The following PDE4B variants were observed in gnomAD, a reference collection of about 807,000 sequenced individuals.
The protein encoded by PDE4B is phosphodiesterase 4B.
In PDE4B, 20 loss-of-function variants were observed where a neutral mutation model predicts 82.2. The observed-to-expected ratio is 0.24, with a 90% confidence interval of 0.17 to 0.35. The LOEUF (loss-of-function observed/expected upper bound fraction) is 0.35. Ranked by LOEUF, PDE4B falls within the 10% of genes least tolerant of loss-of-function variation. PDE4B has a pLI of 1.00. For missense variants in PDE4B, 655 were observed against 907.2 expected, an observed-to-expected ratio of 0.72 and a Z score of 3.57; for synonymous variants, 320 against 318.9, an observed-to-expected ratio of 1.00 and a Z score of -0.04.
intron 1 of PDE4B, among the ~76,000 whole-genome samples, chr1:65,841,381 A>AAAGGAAGGAAGG (rs71590332): frequency 0.53 from 80,189 of 150,116 alleles, 21,668 homozygotes; most frequent in Non-Finnish European, 0.56. Context: ...AAAGGAAAGG[A>AAAGGAAGGAAGG]AAGGAAGGAA....
chr1:66,140,492 A>T (rs1488389564), intron 3 of PDE4B, among the ~76,000 whole-genome samples: 1 of 152,250 alleles, frequency 6.6e-6, no homozygotes, highest in African/African-American at 2.4e-5. Context: ...AAACTTGCAG[A>T]ATGTGTTAAA....
At chr1:66,323,764 A>T (rs1452263461) in intron 7 of PDE4B, among the ~76,000 whole-genome samples, 1 of 152,218 alleles carries the variant, frequency 6.6e-6, no homozygotes, top group East Asian at 1.9e-4. Context: ...CTTATGTAAC[A>T]AAGTTTTATA....
chr1:66,272,706 G>T (rs926307604), intron 7 of PDE4B, among the ~76,000 whole-genome samples: 1 of 150,580 alleles, frequency 6.6e-6, no homozygotes, highest in Non-Finnish European at 1.5e-5. Flanking sequence ...GCATTGTGGT[G>T]GTCCTCCAAC....
chr1:65,834,192 C>T (rs1646115197), intron 1 of PDE4B, among the ~76,000 whole-genome samples: 1 of 152,122 alleles, frequency 6.6e-6, no homozygotes, highest in South Asian at 2.1e-4. Flanking sequence ...TTACAGGTGT[C>T]TGCCGTCATG....
At chr1:66,241,564 T>A (rs968474468) in intron 3 of PDE4B, among the ~76,000 whole-genome samples, 1 of 152,172 alleles carries the variant, frequency 6.6e-6, no homozygotes, top group Non-Finnish European at 1.5e-5. Context: ...GGGAGTGCAG[T>A]GGCGCATCTT....
At chr1:66,290,442 C>A (rs1656987402) in intron 7 of PDE4B, among the ~76,000 whole-genome samples, 1 of 152,136 alleles carries the variant, frequency 6.6e-6, no homozygotes, top group Admixed American at 6.6e-5. Flanking sequence ...CTGAGAGAGT[C>A]TCATCTGATG....
intron 7 of PDE4B, among the ~76,000 whole-genome samples, chr1:66,285,038 A>C (rs1034611437): frequency 1.3e-5 from 2 of 152,144 alleles, no homozygotes; most frequent in African/African-American, 4.8e-5. Flanking sequence ...ATCATTTCTG[A>C]GCTTTAGCCT....
chr1:66,028,219 T>A lies in PDE4B; in HGVS notation c.281+109384T>A, dbSNP rs181821023. 2.1e-3 allele frequency among the ~76,000 whole-genome samples: 313 copies of A among 152,300 alleles called. 1 individual carries two copies. The highest frequency in any genetic ancestry group is 3.6e-3 in the Non-Finnish European group (243 of 68,028). On this transcript the variant is annotated intron_variant, in intron 3 of 16. Coordinates refer to ENST00000341517, the MANE Select transcript of PDE4B (RefSeq NM_002600.4). ...ATTCTGTGCATCTCTGGGCTCAACA[T>A]CAAGTGGAAGTTGCCAAAGCTTGGG...
chr1:66,016,475 C>T (rs1046732488), intron 3 of PDE4B, among the ~76,000 whole-genome samples: 1 of 152,148 alleles, frequency 6.6e-6, no homozygotes, highest in African/African-American at 2.4e-5. Context: ...CTTTAACATC[C>T]ACATCATCCT....
At chr1:66,036,994 T>C (rs2503221) in intron 3 of PDE4B, among the ~76,000 whole-genome samples, 112,413 of 151,628 alleles carry the variant, frequency 0.74, 42,230 homozygotes, top group East Asian at 0.96. Flanking sequence ...GTTCGCCGGG[T>C]ATGGTGGCGT....
At chr1:65,908,087 A>G (rs1311851237) in intron 1 of PDE4B, among the ~76,000 whole-genome samples, 1 of 152,176 alleles carries the variant, frequency 6.6e-6, no homozygotes, top group Non-Finnish European at 1.5e-5. Context: ...CCTACTGAAA[A>G]TGAAGAACCA....
intron 1 of PDE4B, among the ~76,000 whole-genome samples, chr1:65,797,470 CT>C (rs1382925316): frequency 6.6e-6 from 1 of 152,172 alleles, no homozygotes. Flanking sequence ...TCCTGGCCTA[CT>C]TTTGTGGGCA....
chr1:66,359,492 C>A (rs1338467255), intron 9 of PDE4B, among the ~76,000 whole-genome samples: 2 of 152,154 alleles, frequency 1.3e-5, no homozygotes, highest in African/African-American at 4.8e-5. Flanking sequence ...TGTTCCAATG[C>A]CTGCATAGGG....
At chr1:66,118,246 A>C (rs1292272586) in intron 3 of PDE4B, among the ~76,000 whole-genome samples, 1 of 152,208 alleles carries the variant, frequency 6.6e-6, no homozygotes, top group Non-Finnish European at 1.5e-5. Flanking sequence ...ATTATAAATC[A>C]TGCTGTTATA....
At chr1:66,155,241 C>A (rs75648533) in intron 3 of PDE4B, among the ~76,000 whole-genome samples, 4,132 of 152,172 alleles carry the variant, frequency 0.027, 198 homozygotes, top group African/African-American at 0.093. Context: ...TGAGCTCTTT[C>A]TTCTGCTCTC....
At chr1:65,977,671 T>C (rs1043035500) in intron 3 of PDE4B, among the ~76,000 whole-genome samples, 1 of 152,244 alleles carries the variant, frequency 6.6e-6, no homozygotes, top group African/African-American at 2.4e-5. Context: ...CTTTCTTCCA[T>C]GAACTGTTGT....
At chr1:66,053,711 T>A (rs1244482204) in intron 3 of PDE4B, among the ~76,000 whole-genome samples, 1 of 151,728 alleles carries the variant, frequency 6.6e-6, no homozygotes, top group East Asian at 1.9e-4. Flanking sequence ...TACAAAAAAT[T>A]GGCCGGGGGT....
chr1:65,838,644 T>C (rs1178871715), intron 1 of PDE4B, among the ~76,000 whole-genome samples: 1 of 149,672 alleles, frequency 6.7e-6, no homozygotes, highest in Non-Finnish European at 1.5e-5. Context: ...TATATACATA[T>C]ACATATATAT....
At chr1:66,335,349 G>T (rs1248767149) in intron 8 of PDE4B, among the ~76,000 whole-genome samples, 3 of 152,210 alleles carry the variant, frequency 2.0e-5, no homozygotes. Flanking sequence ...ATGCTGAGGG[G>T]TATTTGGGAA....
Sources: allele counts gnomAD v4.1 joint callset (sites outside exome capture counted in the v4.1 genomes callset), GRCh38; gene constraint gnomAD v4.1.1; transcripts MANE v1.5; gene names NCBI Gene and HGNC (gene_info 2026-07-23, HGNC 2026-07-21).